The following DOCK3 variants were observed in gnomAD, a reference collection of about 807,000 sequenced individuals.
DOCK3 encodes dedicator of cytokinesis 3.
A neutral mutation model predicts 265.6 loss-of-function variants in DOCK3; 60 were observed. That is an observed-to-expected ratio of 0.23 (90% CI 0.18 to 0.28). DOCK3 has a LOEUF of 0.28. Ranked by LOEUF, DOCK3 falls within the 10% of genes least tolerant of loss-of-function variation. The pLI is 1.00. For missense variants in DOCK3, 1,981 were observed against 2,594.3 expected (o/e 0.76, Z 5.14); for synonymous variants, 881 against 938.0 (o/e 0.94, Z 1.11).
intron 5 of DOCK3, among the ~76,000 whole-genome samples, chr3:50,983,071 G>A (rs2077755621): frequency 1.3e-5 from 2 of 152,342 alleles, no homozygotes; most frequent in South Asian, 2.1e-4. Flanking sequence ...CACTGTCACA[G>A]CCCAGCCAGG....
intron 2 of DOCK3, among the ~76,000 whole-genome samples, chr3:50,815,835 A>AGCATT (rs2044041334): frequency 3.3e-5 from 5 of 152,172 alleles, no homozygotes; most frequent in African/African-American, 9.7e-5. Context: ...CCTTCATTCT[A>AGCATT]CAAAATGGAA....
intron 5 of DOCK3, among the ~76,000 whole-genome samples, chr3:50,960,498 TTGG>T (rs1331795229): frequency 1.3e-5 from 2 of 152,214 alleles, no homozygotes; most frequent in African/African-American, 4.8e-5. Context: ...TGTGTCTTTC[TTGG>T]TGAAATGTCT....
intron 12 of DOCK3, among the ~76,000 whole-genome samples, chr3:51,197,433 G>T (rs1428450784): frequency 1.3e-5 from 2 of 152,226 alleles, no homozygotes; most frequent in Non-Finnish European, 2.9e-5. Flanking sequence ...GGTCCTGAGT[G>T]ATGTGCGTTG....
intron 2 of DOCK3, among the ~76,000 whole-genome samples, chr3:50,824,981 A>G (rs1190828474): frequency 1.3e-5 from 2 of 152,236 alleles, no homozygotes; most frequent in Non-Finnish European, 2.9e-5. Flanking sequence ...TTAAAAGCAC[A>G]TGTTAACAGC....
intron 1 of DOCK3, among the ~76,000 whole-genome samples, chr3:50,678,343 A>C (rs911968396): frequency 2.6e-5 from 4 of 152,096 alleles, no homozygotes; most frequent in African/African-American, 9.7e-5. Context: ...TCCTGCTCTA[A>C]AGTGTATTAG....
rs76315405 is a variant in DOCK3, at chr3:51,054,196, A to G, written c.316-10252A>G. On this transcript the variant is annotated intron_variant, in intron 5 of 52. Transcript: ENST00000266037. The stretch of plus-strand genomic sequence containing the variant: ...TTGAAGTTTTACATATTTAAAATGT[A>G]TTTAGCTTACCCTTACCTTTGATTG... Among the ~76,000 whole-genome samples, 11 of 146,962 alleles carry G rather than the reference A, an allele frequency of 7.5e-5. 1 individual carries two copies. In the East Asian group the frequency reaches 1.8e-3, roughly 25 times the overall value.
chr3:50,986,799 C>A (rs1285239034), intron 5 of DOCK3, among the ~76,000 whole-genome samples: 1 of 152,216 alleles, frequency 6.6e-6, no homozygotes, highest in Admixed American at 6.5e-5. Flanking sequence ...TTCCCTCAGT[C>A]TAAGCACAGG....
rs1024106685 is a variant in DOCK3, at chr3:51,317,306, A to G, written c.3402+2178A>G. ...AAACAAATGGGTTTGGACAAGGAGA[A>G]GCTTAAAAAAAAGAAAAAGAAAAAA... On this transcript the variant is annotated intron_variant, in intron 32 of 52. Transcript: ENST00000266037. Among the ~76,000 whole-genome samples the G allele has an allele frequency of 3.3e-5, 5 of 151,596 alleles. No homozygotes were observed. The South Asian group carries it at 1.0e-3, about 31-fold the overall frequency.
chr3:51,283,334 T>G (rs1159279314), intron 27 of DOCK3, among the ~76,000 whole-genome samples: 1 of 152,166 alleles, frequency 6.6e-6, no homozygotes, highest in Non-Finnish European at 1.5e-5. Flanking sequence ...GGACCTCACA[T>G]ATACCACCCT....
At chr3:51,205,301 T>G (rs1424547243) in intron 12 of DOCK3, among the ~76,000 whole-genome samples, 1 of 152,038 alleles carries the variant, frequency 6.6e-6, no homozygotes, top group Non-Finnish European at 1.5e-5. Context: ...ACATCAGGTA[T>G]AACACGAGGA....
At chr3:50,871,043 C>G (rs1048053770) in intron 3 of DOCK3, among the ~76,000 whole-genome samples, 1 of 152,070 alleles carries the variant, frequency 6.6e-6, no homozygotes, top group Non-Finnish European at 1.5e-5. Context: ...TTACACACTG[C>G]AGTTACAGTT....
chr3:51,235,144 A>G (rs1432905042), intron 19 of DOCK3, among the ~76,000 whole-genome samples: 2 of 152,236 alleles, frequency 1.3e-5, no homozygotes, highest in Non-Finnish European at 2.9e-5. Context: ...AAGTCTGTGT[A>G]CCACTGTGTA....
intron 23 of DOCK3, among the ~76,000 whole-genome samples, chr3:51,262,080 C>G (rs2079882480): frequency 6.6e-6 from 1 of 152,238 alleles, no homozygotes; most frequent in East Asian, 1.9e-4. Context: ...GACAGACTGT[C>G]TCCTTAAGTG....
intron 5 of DOCK3, among the ~76,000 whole-genome samples, chr3:51,023,654 G>C (rs867186600): frequency 2.6e-5 from 4 of 152,252 alleles, no homozygotes; most frequent in Non-Finnish European, 4.4e-5. Flanking sequence ...GACCTCAGCT[G>C]ATCTGCCCGC....
intron 9 of DOCK3, among the ~76,000 whole-genome samples, chr3:51,092,058 T>A (rs2082658105): frequency 2.0e-5 from 3 of 152,138 alleles, no homozygotes; most frequent in African/African-American, 7.2e-5. Flanking sequence ...AGACCTGGGT[T>A]TCAAGCACAA....
At chr3:50,975,257 G>A (rs2077400862) in intron 5 of DOCK3, among the ~76,000 whole-genome samples, 1 of 150,966 alleles carries the variant, frequency 6.6e-6, no homozygotes, top group African/African-American at 2.4e-5. Flanking sequence ...TGCCCATTCA[G>A]TATGATATTG....
chr3:50,955,147 G>A (rs2076695736), intron 5 of DOCK3, among the ~76,000 whole-genome samples: 1 of 152,098 alleles, frequency 6.6e-6, no homozygotes, highest in Non-Finnish European at 1.5e-5. Context: ...TCTCACACCA[G>A]TCAGATTGGC....
chr3:50,684,065 A>G (rs1022326931), intron 1 of DOCK3, among the ~76,000 whole-genome samples: 2 of 152,070 alleles, frequency 1.3e-5, no homozygotes, highest in African/African-American at 2.4e-5. Flanking sequence ...GGGTGTTGTT[A>G]TATCATTGGA....
intron 2 of DOCK3, among the ~76,000 whole-genome samples, chr3:50,819,928 C>T (rs1236633162): frequency 1.3e-5 from 2 of 152,176 alleles, no homozygotes. Flanking sequence ...CATCACTGCA[C>T]TCTAACTTGG....
Sources: allele counts gnomAD v4.1 joint callset (sites outside exome capture counted in the v4.1 genomes callset), GRCh38; gene constraint gnomAD v4.1.1; transcripts MANE v1.5; gene names NCBI Gene and HGNC (gene_info 2026-07-23, HGNC 2026-07-21).